NRG1: variants seen among roughly 807,000 people sequenced by gnomAD.
The protein encoded by NRG1 is neuregulin 1.
NRG1 carries 18 observed loss-of-function variants against 63.8 expected under a neutral mutation model. That is an observed-to-expected ratio of 0.28 (90% CI 0.19 to 0.42). The LOEUF is 0.42. Ranked by LOEUF, NRG1 falls within the 10% of genes least tolerant of loss-of-function variation. The pLI, the probability that NRG1 is intolerant of heterozygous loss-of-function variation, is 1.00. For missense variants in NRG1, 762 were observed against 814.7 expected (o/e 0.94, Z 0.79); for synonymous variants, 302 against 301.3 (o/e 1.00, Z -0.02).
chr8:32,626,242 C>T (rs1455641320), intron 5 of NRG1, among the ~76,000 whole-genome samples: 1 of 149,926 alleles, frequency 6.7e-6, no homozygotes, highest in Non-Finnish European at 1.5e-5. Flanking sequence ...GGAAATAGTC[C>T]TTGGGCTGAA....
At chr8:32,355,617 C>A (rs1231805920) in intron 1 of NRG1, among the ~76,000 whole-genome samples, 1 of 151,562 alleles carries the variant, frequency 6.6e-6, no homozygotes, top group Non-Finnish European at 1.5e-5. Context: ...GTGTTTTACC[C>A]ACCCATCCCC....
intron 1 of NRG1, among the ~76,000 whole-genome samples, chr8:32,178,623 G>A (rs1841064641): frequency 6.6e-6 from 1 of 152,000 alleles, no homozygotes; most frequent in Non-Finnish European, 1.5e-5. Flanking sequence ...AAAATAGAAA[G>A]ATCATTCTGG....
At chr8:31,733,148 GT>G (rs10673288) in intron 1 of NRG1, among the ~76,000 whole-genome samples, 3,742 of 144,016 alleles carry the variant, frequency 0.026, 117 homozygotes, top group African/African-American at 0.077. Context: ...ACTTTATTCT[GT>G]TTTTTTTTTT....
At chr8:32,743,289 A>G in intron 7 of NRG1, 1 of 910,036 alleles carries the variant, frequency 1.1e-6, no homozygotes, top group Non-Finnish European at 1.3e-6. Context: ...AAAAAGCATC[A>G]AGTAGGAAAA....
At chr8:32,575,971 T>C (rs1483568283) in intron 1 of NRG1, among the ~76,000 whole-genome samples, 1 of 152,222 alleles carries the variant, frequency 6.6e-6, no homozygotes, top group Non-Finnish European at 1.5e-5. Flanking sequence ...TAATATGTGT[T>C]TTATTTTTTA....
chr8:32,199,258 C>T (rs1388492701), intron 1 of NRG1, among the ~76,000 whole-genome samples: 37 of 152,130 alleles, frequency 2.4e-4, no homozygotes, highest in Admixed American at 2.4e-3. Context: ...TTAATTCCAG[C>T]TAGATACTTT....
rs550921633 is a variant in NRG1, at chr8:32,264,125, A to G, written c.38-331703A>G. Among the ~76,000 whole-genome samples, 137 of 152,324 alleles carry G rather than the reference A, an allele frequency of 9.0e-4. 1 individual carries two copies. Among genetic ancestry groups the G allele is most frequent in the Non-Finnish European group, 1.9e-3 (128 of 68,032 alleles). Reference sequence around the variant, plus strand: ...TAAAGGTTTGTTATTTTCAAAGATTAACATTCTTTATTAATTACCACTTTT... The same window carrying G: ...TAAAGGTTTGTTATTTTCAAAGATTGACATTCTTTATTAATTACCACTTTT... On this transcript the variant is annotated intron_variant, in intron 1 of 10. Coordinates refer to the NRG1 transcript ENST00000519301.
intron 5 of NRG1, among the ~76,000 whole-genome samples, chr8:32,635,256 T>C (rs1851108957): frequency 6.6e-6 from 1 of 152,222 alleles, no homozygotes; most frequent in Admixed American, 6.5e-5. Flanking sequence ...GGTCATTTAG[T>C]AAACATCTTT....
At chr8:32,728,882 C>T (rs2919396) in intron 6 of NRG1, among the ~76,000 whole-genome samples, 69,699 of 151,696 alleles carry the variant, frequency 0.46, 18,772 homozygotes, top group Middle Eastern at 0.61. Flanking sequence ...TGGCTAACAC[C>T]GTGAAACCCC....
intron 1 of NRG1, among the ~76,000 whole-genome samples, chr8:32,082,265 A>C (rs903605897): frequency 2.6e-5 from 4 of 151,740 alleles, no homozygotes; most frequent in Admixed American, 2.6e-4. Context: ...ATATAGGTAA[A>C]CTAATGTCAT....
In NRG1 at chr8:31,737,265, T is replaced by C. The variant is rs547971816; in HGVS notation, c.37+97834T>C. ...AACTCATTGTAGATACCACTTCTCC[T>C]AGGATTTTTCCCCAAATCCAAGACT... On this transcript the variant is annotated intron_variant, in intron 1 of 10. Coordinates refer to the NRG1 transcript ENST00000519301. Among the ~76,000 whole-genome samples the C allele has an allele frequency of 3.9e-5, 6 of 152,234 alleles. No homozygotes were observed. The South Asian group carries it at 8.3e-4, about 21-fold the overall frequency.
At chr8:32,015,657 TATAAAC>T (rs966340161) in intron 1 of NRG1, among the ~76,000 whole-genome samples, 1 of 152,262 alleles carries the variant, frequency 6.6e-6, no homozygotes, top group Admixed American at 6.5e-5. Flanking sequence ...AATCAAATCT[TATAAAC>T]ATAAGAAAGC....
chr8:31,753,508 C>A (rs1015785855), intron 1 of NRG1, among the ~76,000 whole-genome samples: 16 of 152,036 alleles, frequency 1.1e-4, no homozygotes, highest in African/African-American at 3.4e-4. Context: ...TTAATTACTT[C>A]TTTTAAAAAG....
intron 1 of NRG1, among the ~76,000 whole-genome samples, chr8:32,222,044 C>T (rs866724274): frequency 0.019 from 2,936 of 151,878 alleles, 82 homozygotes; most frequent in African/African-American, 0.065. Context: ...TACACACACA[C>T]ACACACACAC....
At chr8:32,580,843 G>A (rs1840507796) in intron 1 of NRG1, among the ~76,000 whole-genome samples, 1 of 144,750 alleles carries the variant, frequency 6.9e-6, no homozygotes, top group South Asian at 2.3e-4. Context: ...CTTTCTAAAT[G>A]ACATAGTACC....
At chr8:31,995,213 C>G (rs1438484800) in intron 1 of NRG1, among the ~76,000 whole-genome samples, 1 of 151,936 alleles carries the variant, frequency 6.6e-6, no homozygotes, top group African/African-American at 2.4e-5. Flanking sequence ...AGAATCTCTT[C>G]TCCCCTCTGC....
At chr8:32,505,707 C>T (rs577960654) in intron 1 of NRG1, among the ~76,000 whole-genome samples, 113 of 152,288 alleles carry the variant, frequency 7.4e-4, no homozygotes, top group Middle Eastern at 6.8e-3. Flanking sequence ...AGTGAGGCAC[C>T]TGCAATCACA....
intron 1 of NRG1, among the ~76,000 whole-genome samples, chr8:32,175,358 A>G (rs191521509): frequency 1.9e-4 from 29 of 152,344 alleles, no homozygotes; most frequent in African/African-American, 6.3e-4. Flanking sequence ...ATCTATGACA[A>G]ACCCATAGCC....
At chr8:32,467,555 T>A (rs1823225381) in intron 1 of NRG1, among the ~76,000 whole-genome samples, 1 of 152,246 alleles carries the variant, frequency 6.6e-6, no homozygotes, top group South Asian at 2.1e-4. Flanking sequence ...AGAGCTTAAT[T>A]CATAGAAATC....
Sources: gnomAD v4.1 joint callset for allele counts (sites outside exome capture counted in the v4.1 genomes callset) on GRCh38, gnomAD v4.1.1 for gene constraint, MANE v1.5 for transcripts, NCBI Gene and HGNC (gene_info 2026-07-23, HGNC 2026-07-21) for gene names.